Variants in FANCC observed in about 807,000 individuals in gnomAD.
The protein encoded by FANCC is FA complementation group C.
In FANCC, 55 loss-of-function variants were observed where a neutral mutation model predicts 71.3. That is an observed-to-expected ratio of 0.77 (90% confidence interval 0.62 to 0.97). The LOEUF (loss-of-function observed/expected upper bound fraction) is 0.97. Among genes scored for constraint, FANCC ranks in the 50% least tolerant of loss-of-function variants. FANCC has a pLI of 0.00. For synonymous variants in FANCC, 275 were observed against 244.9 expected, an observed-to-expected ratio of 1.12 and a Z score of -1.15; for missense variants, 678 against 670.9, an observed-to-expected ratio of 1.01 and a Z score of -0.12.
chr9:95,126,704 G>C, intron 8 of FANCC, 123 bp from the exon 9 acceptor site: 1 of 986,226 alleles, frequency 1.0e-6, no homozygotes, highest in Non-Finnish European at 1.6e-6. Context: ...TACTCCTTTT[G>C]GTTAGAAGAA....
At position 95,100,564 on chromosome 9, in the gene FANCC, C is replaced by T. The variant is rs1287595424; in HGVS notation, c.*1143G>A. The T allele has an allele frequency of 4.3e-6, 1 of 231,236 alleles. No homozygotes were observed. Among genetic ancestry groups the T allele is most frequent in the East Asian group, 6.1e-5 (1 of 16,346 alleles). 14.3% of individuals were successfully genotyped at this position (231,236 alleles called of 1,614,324 possible). A position where few individuals can be genotyped will look rare whatever the true frequency, so the allele number is the denominator to read the frequency against. ...AAAGAATGTACAACCAATACAATTC[C>T]AGAATGTCCCTGAAAGGAAAAAGCA... is the stretch of plus-strand genomic sequence containing the variant. On this transcript the variant is annotated 3_prime_UTR_variant, in exon 15 of 15. Transcript: ENST00000289081.
chr9:95,288,510 C>T (rs750917595), intron 1 of FANCC, among the ~76,000 whole-genome samples: 5 of 152,116 alleles, frequency 3.3e-5, no homozygotes, highest in Non-Finnish European at 7.3e-5. Flanking sequence ...TACAAGTGTC[C>T]ATGGTTTTGT....
chr9:95,270,529 GC>G (rs1832658115), intron 1 of FANCC, among the ~76,000 whole-genome samples: 1 of 152,238 alleles, frequency 6.6e-6, no homozygotes, highest in Non-Finnish European at 1.5e-5. Context: ...ATTCTCTAGT[GC>G]ATAAACTGCT....
chr9:95,290,754 T>G (rs1026308919), intron 1 of FANCC, among the ~76,000 whole-genome samples: 5 of 152,100 alleles, frequency 3.3e-5, no homozygotes, highest in African/African-American at 1.2e-4. Context: ...CTGCTAAGAA[T>G]AGGAGGCAAA....
intron 1 of FANCC, among the ~76,000 whole-genome samples, chr9:95,314,072 G>A (rs1448240779): frequency 6.6e-6 from 1 of 152,074 alleles, no homozygotes; most frequent in African/African-American, 2.4e-5. Flanking sequence ...CTGGAGGGTC[G>A]AACCAGGTAA....
At chr9:95,296,741 G>A (rs1486246020) in intron 1 of FANCC, among the ~76,000 whole-genome samples, 1 of 152,146 alleles carries the variant, frequency 6.6e-6, no homozygotes, top group African/African-American at 2.4e-5. Context: ...CCAAAATAAA[G>A]AACATCAAAC....
intron 1 of FANCC, among the ~76,000 whole-genome samples, chr9:95,276,618 T>C (rs1345448895): frequency 6.6e-6 from 1 of 152,230 alleles, no homozygotes; most frequent in Non-Finnish European, 1.5e-5. Context: ...CCACATTGAT[T>C]TGAGTAGGAT....
At chr9:95,232,102 TGGAAG>T (rs1830043834) in intron 4 of FANCC, among the ~76,000 whole-genome samples, 1 of 152,130 alleles carries the variant, frequency 6.6e-6, no homozygotes, top group Admixed American at 6.6e-5. Context: ...ACAATCATGG[TGGAAG>T]GTGAAGGGGG....
intron 4 of FANCC, among the ~76,000 whole-genome samples, chr9:95,235,469 A>G (rs572454917): frequency 1.3e-5 from 2 of 152,322 alleles, no homozygotes; most frequent in East Asian, 1.9e-4. Flanking sequence ...ACAGACTTAC[A>G]TAGGAAAAGG....
intron 1 of FANCC, among the ~76,000 whole-genome samples, chr9:95,252,092 A>G (rs1393214674): frequency 6.6e-6 from 1 of 152,022 alleles, no homozygotes; most frequent in Non-Finnish European, 1.5e-5. Flanking sequence ...AGCCTGGCCA[A>G]CATGGTGAAA....
chr9:95,138,721 G>A (rs1170552471), intron 7 of FANCC, among the ~76,000 whole-genome samples: 1 of 152,178 alleles, frequency 6.6e-6, no homozygotes, highest in African/African-American at 2.4e-5. Context: ...AGGTGGTGGT[G>A]GGGAAGCTGC....
At chr9:95,295,357 A>AAAAAC (rs879514379) in intron 1 of FANCC, among the ~76,000 whole-genome samples, 305 of 152,244 alleles carry the variant, frequency 2.0e-3, no homozygotes, top group Non-Finnish European at 3.6e-3. Flanking sequence ...AAACAAAACA[A>AAAAAC]AAAACAAAAC....
intron 4 of FANCC, among the ~76,000 whole-genome samples, chr9:95,226,819 A>G (rs1382978715): frequency 6.6e-6 from 1 of 152,128 alleles, no homozygotes. Context: ...TGACAACCAT[A>G]TCATATTCAG....
intron 12 of FANCC, 168 bp downstream of exon 12, chr9:95,114,461 C>G: frequency 2.8e-6 from 2 of 722,048 alleles, no homozygotes; most frequent in Non-Finnish European, 5.1e-6. Flanking sequence ...CCAAGCCATC[C>G]GTGCAGCCAT....
At chr9:95,255,761 G>A (rs1041459070) in intron 1 of FANCC, among the ~76,000 whole-genome samples, 1 of 152,078 alleles carries the variant, frequency 6.6e-6, no homozygotes, top group South Asian at 2.1e-4. Flanking sequence ...CAAGCTAAAG[G>A]AGCATTTTTT....
intron 1 of FANCC, among the ~76,000 whole-genome samples, chr9:95,309,581 A>T (rs181998394): frequency 9.8e-5 from 15 of 152,344 alleles, no homozygotes; most frequent in Admixed American, 9.8e-4. Context: ...CTTACTAATC[A>T]ATTACAATGT....
intron 3 of FANCC, among the ~76,000 whole-genome samples, chr9:95,241,581 C>T (rs1830631601): frequency 6.6e-6 from 1 of 152,162 alleles, no homozygotes; most frequent in South Asian, 2.1e-4. Context: ...CTTTACAAGG[C>T]CATGGAGGTG....
At chr9:95,220,518 G>C (rs903449706) in intron 4 of FANCC, among the ~76,000 whole-genome samples, 19 of 152,146 alleles carry the variant, frequency 1.2e-4, no homozygotes, top group African/African-American at 4.6e-4. Context: ...CACATATACA[G>C]CATGGAATAC....
intron 4 of FANCC, among the ~76,000 whole-genome samples, chr9:95,213,307 G>C (rs991313358): frequency 3.9e-5 from 6 of 152,062 alleles, no homozygotes; most frequent in African/African-American, 1.4e-4. Context: ...GAGATGAAAG[G>C]AAACAGTAAA....
Sources: gnomAD v4.1 joint callset for allele counts (sites outside exome capture counted in the v4.1 genomes callset) on GRCh38, gnomAD v4.1.1 for gene constraint, MANE v1.5 for transcripts, NCBI Gene and HGNC (gene_info 2026-07-23, HGNC 2026-07-21) for gene names.